FAM221A: variants seen among roughly 807,000 people sequenced by gnomAD.
The protein encoded by FAM221A is family with sequence similarity 221 member A.
FAM221A carries 43 observed loss-of-function variants against 37.6 expected under a neutral mutation model. That is an observed-to-expected ratio of 1.15 (90% confidence interval 0.90 to 1.48). FAM221A has a LOEUF of 1.48. Ranked by LOEUF, FAM221A falls within the 40% of genes most tolerant of loss-of-function variation. FAM221A has a pLI of 0.00. For missense variants in FAM221A, 361 were observed against 361.5 expected (o/e 1.00, Z 0.01); for synonymous variants, 135 against 132.9 (o/e 1.02, Z -0.11).
At chr7:23,697,638 G>A (rs1021169532) in intron 4 of FAM221A, among the ~76,000 whole-genome samples, 3 of 152,100 alleles carry the variant, frequency 2.0e-5, no homozygotes, top group Admixed American at 2.0e-4. Context: ...TTATATATTA[G>A]GGTTTTGAAC....
At chr7:23,686,116 A>G (rs1784351296) in intron 2 of FAM221A, among the ~76,000 whole-genome samples, 1 of 152,236 alleles carries the variant, frequency 6.6e-6, no homozygotes, top group South Asian at 2.1e-4. Flanking sequence ...ATGGAGGATA[A>G]GGGATGTGTT....
intron 5 of FAM221A, 25 bp downstream of exon 5, chr7:23,698,324 T>C (rs1785192502): frequency 8.0e-7 from 1 of 1,250,274 alleles, no homozygotes; most frequent in Non-Finnish European, 1.1e-6. Flanking sequence ...TTTAGAACTG[T>C]TTTTGGATGT....
chr7:23,699,286 A>G (rs953723241), intron 5 of FAM221A, among the ~76,000 whole-genome samples: 2 of 115,268 alleles, frequency 1.7e-5, no homozygotes, highest in African/African-American at 3.3e-5. Context: ...TGGGTAATTA[A>G]AAAAACTTTT....
intron 4 of FAM221A, among the ~76,000 whole-genome samples, chr7:23,697,354 G>T (rs1176511038): frequency 6.6e-6 from 1 of 152,148 alleles, no homozygotes; most frequent in Admixed American, 6.5e-5. Flanking sequence ...GTGGTGGTTT[G>T]TGAAGAAGAT....
chr7:23,694,270 A>C (rs1784920843), intron 4 of FAM221A: 1 of 152,282 alleles, frequency 6.6e-6, no homozygotes, highest in African/African-American at 2.4e-5. Context: ...TCCTGTGCCA[A>C]TATTATATAT....
intron 5 of FAM221A, among the ~76,000 whole-genome samples, chr7:23,699,258 C>T (rs147047599): frequency 6.6e-6 from 1 of 150,642 alleles, no homozygotes; most frequent in African/African-American, 2.4e-5. Flanking sequence ...GCTAGGAGTA[C>T]AGGTGTGCCC....
At chr7:23,688,237 AG>A (rs1784486804) in intron 2 of FAM221A, 1 of 151,564 alleles carries the variant, frequency 6.6e-6, no homozygotes, top group Admixed American at 6.6e-5. Flanking sequence ...GTAGAGACGG[AG>A]GGTTTCACCG....
chr7:23,683,086 A>C (rs943282230), intron 1 of FAM221A, among the ~76,000 whole-genome samples: 5 of 152,348 alleles, frequency 3.3e-5, no homozygotes, highest in African/African-American at 1.2e-4. Flanking sequence ...AAAGGCTTCA[A>C]AGTATGGAAA....
intron 2 of FAM221A, among the ~76,000 whole-genome samples, chr7:23,685,039 G>A (rs1784284926): frequency 1.3e-5 from 2 of 152,210 alleles, no homozygotes. Context: ...CACGAGGTCA[G>A]GAGTTTGAGA....
rs1785496996 is a variant in FAM221A at position 23,702,122 on chromosome 7, GA to G, written c.858del (p.Gly287GlufsTer19). On this transcript the variant is annotated frameshift_variant, in exon 7 of 7. Transcript: ENST00000344962. LOFTEE classifies it high-confidence loss of function. The part of the protein sequence containing the change: ...RMKMEKAAKW[K>X]GKAPLPSATK... ...TGAAAATGGAAAAGGCTGCTAAGTG[GA>G]AAGGAAAAGCTCCATTGCCATCAGC... The G allele has an allele frequency of 3.7e-6, 6 of 1,601,410 alleles. No individual in the cohort carries two copies. The highest frequency in any genetic ancestry group is 5.1e-6 in the Non-Finnish European group (6 of 1,173,638).
chr7:23,702,230 A>AC lies in FAM221A; in HGVS notation c.*67dup. 1 of 1,011,846 alleles carries AC rather than the reference A, an allele frequency of 9.9e-7. No individual in the cohort carries two copies. The highest frequency in any genetic ancestry group is 2.0e-5 in the South Asian group (1 of 49,612). The allele number at this position is 1,011,846 out of a possible 1,614,324, so 62.7% of individuals were successfully genotyped here. On this transcript the variant is annotated 3_prime_UTR_variant, in exon 7 of 7. Transcript: ENST00000344962. The stretch of plus-strand genomic sequence containing the variant: ...TTCATGTTTATTTAAATGTAATAAT[A>AC]CAGTTTATTTTTCCTGAAATTATTT...
intron 2 of FAM221A, chr7:23,686,204 A>G (rs564281940): frequency 3.1e-6 from 1 of 322,386 alleles, no homozygotes; most frequent in Non-Finnish European, 6.0e-6. Flanking sequence ...ATTTAGTGCC[A>G]CTTTCTAATC....
At chr7:23,694,424 T>C (rs1252158773) in intron 4 of FAM221A, 1 of 152,246 alleles carries the variant, frequency 6.6e-6, no homozygotes, top group African/African-American at 2.4e-5. Flanking sequence ...AACTAGCTTG[T>C]TAAATTTCAT....
intron 2 of FAM221A, chr7:23,687,650 T>A (rs1784446970): frequency 6.7e-6 from 1 of 149,984 alleles, no homozygotes; most frequent in East Asian, 1.9e-4. Context: ...CTCTTTTTTT[T>A]TTTTTTTTTT....
chr7:23,692,019 G>A (rs192744355), intron 4 of FAM221A, among the ~76,000 whole-genome samples: 1 of 152,162 alleles, frequency 6.6e-6, no homozygotes, highest in African/African-American at 2.4e-5. Flanking sequence ...GAAACAATAG[G>A]TTTATGTTCA....
rs185003968 is a variant in FAM221A, at chr7:23,685,052, A to T, written c.239+380A>T. Among the ~76,000 whole-genome samples the T allele has an allele frequency of 1.1e-4, 16 of 152,336 alleles. No individual in the cohort carries two copies. In the East Asian group the frequency reaches 2.5e-3, roughly 24 times the overall value. On this transcript the variant is annotated intron_variant, in intron 2 of 6. Transcript: ENST00000344962. Reference sequence around the variant, plus strand: ...ATCACGAGGTCAGGAGTTTGAGACCAGTCTGGCCAACATAGTGAAACCCTG... The same window carrying T: ...ATCACGAGGTCAGGAGTTTGAGACCTGTCTGGCCAACATAGTGAAACCCTG...
At chr7:23,694,002 CCT>C (rs1784901343) in intron 4 of FAM221A, 1 of 152,300 alleles carries the variant, frequency 6.6e-6, no homozygotes, top group Non-Finnish European at 1.5e-5. Flanking sequence ...CGCCTCCCAC[CCT>C]CTGACAGGCC....
chr7:23,699,062 A>G (rs889208065), intron 5 of FAM221A, among the ~76,000 whole-genome samples: 2 of 151,866 alleles, frequency 1.3e-5, no homozygotes, highest in African/African-American at 4.8e-5. Flanking sequence ...TCTTTATTAG[A>G]CAGGAGGAAG....
chr7:23,701,299 G>A (rs1785428962), intron 6 of FAM221A, among the ~76,000 whole-genome samples: 1 of 146,754 alleles, frequency 6.8e-6, no homozygotes, highest in Admixed American at 6.9e-5. Flanking sequence ...GAGTGCAGTG[G>A]CGCGATCTCG....
Sources: gnomAD v4.1 joint callset for allele counts (sites outside exome capture counted in the v4.1 genomes callset) on GRCh38, gnomAD v4.1.1 for gene constraint, MANE v1.5 for transcripts, NCBI Gene and HGNC (gene_info 2026-07-23, HGNC 2026-07-21) for gene names.